Variants in ADGRB3 observed in about 807,000 individuals in gnomAD.
ADGRB3 encodes brain-specific angiogenesis inhibitor 3.
Under a neutral mutation model 193.4 loss-of-function variants are expected in ADGRB3, and 37 were observed. That is an observed-to-expected ratio of 0.19 (90% CI 0.15 to 0.25). The LOEUF (loss-of-function observed/expected upper bound fraction) is 0.25. ADGRB3 is among the 10% of genes least tolerant of loss of function. The pLI is 1.00. For missense variants in ADGRB3, 1,637 were observed against 1,852.9 expected, an observed-to-expected ratio of 0.88 and a Z score of 2.14; for synonymous variants, 690 against 644.2, an observed-to-expected ratio of 1.07 and a Z score of -1.08.
At chr6:69,055,477 T>C (rs1771518015) in intron 15 of ADGRB3, among the ~76,000 whole-genome samples, 1 of 152,246 alleles carries the variant, frequency 6.6e-6, no homozygotes, top group Admixed American at 6.5e-5. Flanking sequence ...TTTCTTTTTA[T>C]ACGGCTGAAG....
chr6:69,177,103 A>AT (rs1775447784), intron 17 of ADGRB3, among the ~76,000 whole-genome samples: 1 of 151,854 alleles, frequency 6.6e-6, no homozygotes, highest in South Asian at 2.1e-4. Context: ...TGTTGTATAG[A>AT]TTTTTGGGTC....
chr6:69,107,556 G>A (rs1468113005), intron 17 of ADGRB3, among the ~76,000 whole-genome samples: 1 of 152,126 alleles, frequency 6.6e-6, no homozygotes, highest in Non-Finnish European at 1.5e-5. Flanking sequence ...TACACTGCAA[G>A]TTAGACATGT....
At chr6:69,173,682 CT>C (rs1775349792) in intron 17 of ADGRB3, among the ~76,000 whole-genome samples, 1 of 151,364 alleles carries the variant, frequency 6.6e-6, no homozygotes, top group Admixed American at 6.6e-5. Context: ...TAAGTCATTA[CT>C]ACTCTTTGTC....
chr6:69,280,893 A>G (rs1767421215), intron 20 of ADGRB3, among the ~76,000 whole-genome samples: 2 of 152,214 alleles, frequency 1.3e-5, no homozygotes, highest in African/African-American at 4.8e-5. Flanking sequence ...AAAAGAAAAA[A>G]GAAAATACCT....
At chr6:69,181,707 A>G (rs1252119384) in intron 17 of ADGRB3, among the ~76,000 whole-genome samples, 1 of 152,200 alleles carries the variant, frequency 6.6e-6, no homozygotes, top group Non-Finnish European at 1.5e-5. Context: ...AATGATTACT[A>G]TCTGCAAAAA....
intron 17 of ADGRB3, among the ~76,000 whole-genome samples, chr6:69,122,355 A>G (rs1773730725): frequency 6.6e-6 from 1 of 151,114 alleles, no homozygotes; most frequent in African/African-American, 2.4e-5. Flanking sequence ...AGGCTGAGGC[A>G]GGAGAACCAC....
intron 17 of ADGRB3, among the ~76,000 whole-genome samples, chr6:69,115,133 G>A (rs1773492866): frequency 6.6e-6 from 1 of 152,182 alleles, no homozygotes; most frequent in African/African-American, 2.4e-5. Flanking sequence ...CTACTATAAA[G>A]ACACATGCAC....
At chr6:68,972,028 G>A (rs537769143) in intron 8 of ADGRB3, among the ~76,000 whole-genome samples, 1 of 152,306 alleles carries the variant, frequency 6.6e-6, no homozygotes, top group African/African-American at 2.4e-5. Context: ...AGATGCAACA[G>A]GCAGTGAAGT....
chr6:69,247,404 G>T (rs962745535), intron 20 of ADGRB3, among the ~76,000 whole-genome samples: 4 of 152,172 alleles, frequency 2.6e-5, no homozygotes, highest in Non-Finnish European at 4.4e-5. Flanking sequence ...ACAAGAGCTA[G>T]ATTTCAGCAT....
At chr6:69,096,684 A>G (rs1562157601) in intron 17 of ADGRB3, among the ~76,000 whole-genome samples, 1 of 152,042 alleles carries the variant, frequency 6.6e-6, no homozygotes, top group African/African-American at 2.4e-5. Flanking sequence ...TACTGATATG[A>G]CCCTGTTCTC....
chr6:69,000,336 C>T (rs1423524324), intron 11 of ADGRB3, among the ~76,000 whole-genome samples: 2 of 152,180 alleles, frequency 1.3e-5, no homozygotes, highest in Non-Finnish European at 2.9e-5. Flanking sequence ...AGAATCTGGT[C>T]ACAACATTTT....
intron 3 of ADGRB3, among the ~76,000 whole-genome samples, chr6:68,773,601 T>C (rs1178094895): frequency 6.6e-6 from 1 of 152,178 alleles, no homozygotes; most frequent in Non-Finnish European, 1.5e-5. Context: ...GCTCTCTCCA[T>C]TTGTCTGATG....
intron 3 of ADGRB3, among the ~76,000 whole-genome samples, chr6:68,847,646 C>T (rs1768306897): frequency 6.6e-6 from 1 of 152,140 alleles, no homozygotes; most frequent in Non-Finnish European, 1.5e-5. Context: ...TATGAGACCT[C>T]CCCAGCCATG....
chr6:68,787,548 C>T (rs551703143), intron 3 of ADGRB3, among the ~76,000 whole-genome samples: 252 of 152,172 alleles, frequency 1.7e-3, no homozygotes, highest in African/African-American at 5.2e-3. Context: ...CTGCCGGATT[C>T]GGTTTGCCAG....
intron 20 of ADGRB3, among the ~76,000 whole-genome samples, chr6:69,283,240 C>A (rs1371611848): frequency 6.6e-6 from 1 of 152,082 alleles, no homozygotes; most frequent in Admixed American, 6.6e-5. Flanking sequence ...GGTAGTGACA[C>A]AATTAGAAAA....
At chr6:69,288,438 T>C (rs572088698) in intron 20 of ADGRB3, among the ~76,000 whole-genome samples, 1 of 152,278 alleles carries the variant, frequency 6.6e-6, no homozygotes, top group Admixed American at 6.5e-5. Flanking sequence ...TTCTTTTTAT[T>C]GCAGCACCGT....
At chr6:68,887,971 C>T (rs915855351) in intron 3 of ADGRB3, among the ~76,000 whole-genome samples, 4 of 152,180 alleles carry the variant, frequency 2.6e-5, no homozygotes, top group Non-Finnish European at 4.4e-5. Context: ...TTTCACCCTT[C>T]TCATATTGGT....
chr6:69,107,250 A>G (rs935946608), intron 17 of ADGRB3, among the ~76,000 whole-genome samples: 4 of 152,220 alleles, frequency 2.6e-5, no homozygotes, highest in Non-Finnish European at 4.4e-5. Context: ...CTACTTATGT[A>G]TATGTGCAAG....
intron 17 of ADGRB3, among the ~76,000 whole-genome samples, chr6:69,169,948 T>A (rs1046749476): frequency 6.6e-6 from 1 of 152,132 alleles, no homozygotes; most frequent in African/African-American, 2.4e-5. Flanking sequence ...TAGAAGGCTC[T>A]CTGGAGCACT....
Sources: gnomAD v4.1 joint callset for allele counts (sites outside exome capture counted in the v4.1 genomes callset) on GRCh38, gnomAD v4.1.1 for gene constraint, MANE v1.5 for transcripts, NCBI Gene and HGNC (gene_info 2026-07-23, HGNC 2026-07-21) for gene names.